Variants in ZNF468 observed in about 807,000 individuals in gnomAD.
ZNF468 encodes zinc finger protein 468.
In ZNF468, 8 loss-of-function variants were observed where a neutral mutation model predicts 7.2. That is an observed-to-expected ratio of 1.11 (90% CI 0.65 to 2.01). ZNF468 has a LOEUF of 2.01. Ranked by LOEUF, ZNF468 falls within the 30% of genes most tolerant of loss-of-function variation. ZNF468 has a pLI of 0.00. For synonymous variants in ZNF468, 218 were observed against 214.4 expected (o/e 1.02, Z -0.15); for missense variants, 608 against 626.5 (o/e 0.97, Z 0.31).
intron 2 of ZNF468, among the ~76,000 whole-genome samples, chr19:52,850,841 G>A (rs1183114871): frequency 6.6e-6 from 1 of 151,958 alleles, no homozygotes; most frequent in African/African-American, 2.4e-5. Context: ...GGAGCTTGCA[G>A]TGAGCCGAGA....
rs1568672780 is a variant in ZNF468 at position 52,840,649 on chromosome 19, T to G, written c.*76A>C. The G allele has an allele frequency of 1.2e-6, 2 of 1,605,782 alleles. No homozygotes were observed. The highest frequency in any genetic ancestry group is 4.5e-5 in the East Asian group (2 of 44,820). ...GCCACATTCATTATGCTTGTAAGGT[T>G]TCTCTCCAGTATGAATTGCCTTATG... is the stretch of plus-strand genomic sequence containing the variant. On this transcript the variant is annotated 3_prime_UTR_variant, in exon 4 of 4. Transcript: ENST00000595646.
intron 2 of ZNF468, among the ~76,000 whole-genome samples, chr19:52,853,475 G>A (rs1487412168): frequency 6.6e-6 from 1 of 152,148 alleles, no homozygotes. Flanking sequence ...GACCACCTGA[G>A]GTTAGGAGGT....
Position 52,839,174 on chromosome 19 carries a change from C to G in ZNF468, c.*1551G>C, listed in dbSNP as rs977775824. 3.2e-5 allele frequency: 5 copies of G among 156,514 alleles called. No individual in the cohort carries two copies. Among genetic ancestry groups the G allele is most frequent in the African/African-American group, 1.2e-4 (5 of 41,400 alleles). 9.7% of individuals were successfully genotyped at this position (156,514 alleles called of 1,614,324 possible). ...GACTGAGGCAGGAGAATTGCTTGAACCTGGGAGGAGGAGGTTGCAGTGAGC... is the reference window on the plus strand; with the variant it reads ...GACTGAGGCAGGAGAATTGCTTGAAGCTGGGAGGAGGAGGTTGCAGTGAGC... On this transcript the variant is annotated 3_prime_UTR_variant, in exon 4 of 4. Coordinates refer to ENST00000595646, the MANE Select transcript of ZNF468 (RefSeq NM_001008801.2).
intron 2 of ZNF468, among the ~76,000 whole-genome samples, chr19:52,853,176 A>G (rs1232055376): frequency 1.3e-5 from 2 of 152,052 alleles, no homozygotes; most frequent in Non-Finnish European, 2.9e-5. Context: ...TTAAAGTCTC[A>G]TAACGATGCA....
Position 52,841,537 on chromosome 19 carries a change from T to G in ZNF468, c.757A>C (p.Asn253His). 1.2e-6 allele frequency: 2 copies of G among 1,614,138 alleles called. No homozygotes were observed. The highest frequency in any genetic ancestry group is 2.2e-5 in the South Asian group (2 of 91,064). The change falls in exon 4 of 4, where the codon AAT (asparagine) becomes CAT (histidine). Residue 253 changes from asparagine (N) to histidine (H), a missense_variant. Asn to His is a moderately conservative substitution (Grantham distance 68). Transcript: ENST00000595646. ...TGGCAGGCAAGGTATCGCTTCTGAT[T>G]AAAGACCTTGCCACATACATCACAT... is the stretch of plus-strand genomic sequence containing the variant. The part of the protein sequence containing the change: ...CKCDVCGKVF[N>H]QKRYLACHRR...
chr19:52,844,286 C>A (rs28649623), intron 3 of ZNF468, among the ~76,000 whole-genome samples: 49,535 of 151,782 alleles, frequency 0.33, 8,632 homozygotes, highest in Admixed American at 0.44. Context: ...TAAAGAGGTC[C>A]TTGCCTGTTC....
At chr19:52,857,526 G>C (rs1245274455) in intron 1 of ZNF468, 46 bp downstream of exon 1, 1 of 152,292 alleles carries the variant, frequency 6.6e-6, no homozygotes, top group East Asian at 1.9e-4. Flanking sequence ...AGAAGTGCCG[G>C]GGACCTGGGA....
At chr19:52,845,654 A>G (rs2063336651) in intron 3 of ZNF468, among the ~76,000 whole-genome samples, 1 of 151,966 alleles carries the variant, frequency 6.6e-6, no homozygotes, top group African/African-American at 2.4e-5. Context: ...GTGAGACTCC[A>G]TCTCAAAAAA....
At chr19:52,845,372 C>G (rs2063334546) in intron 3 of ZNF468, 1 of 146,776 alleles carries the variant, frequency 6.8e-6, no homozygotes, top group Non-Finnish European at 1.5e-5. Flanking sequence ...ATAAAGTTCT[C>G]CAGACAGGGT....
Position 52,841,500 on chromosome 19 carries a change from T to C in ZNF468, c.794A>G (p.His265Arg). ...ACACTTGTAAGGTTTCTCACCAGTG[T>C]GACATCTACGATGGCAGGCAAGGTA... ...KRYLACHRRC[H>R]TGEKPYKCNE... Residue 265 changes from histidine (H) to arginine (R), a missense_variant, in exon 4 of 4, where the codon CAC becomes CGC. Transcript: ENST00000595646. 6.2e-7 allele frequency: 1 copy of C among 1,614,180 alleles called. No homozygotes were observed. Among genetic ancestry groups the C allele is most frequent in the Non-Finnish European group, 8.5e-7 (1 of 1,180,028 alleles).
intron 3 of ZNF468, among the ~76,000 whole-genome samples, chr19:52,843,120 C>CAAAAAAAAAAAAAAAAAAAAAAAAAAA (rs11356842): frequency 4.4e-5 from 3 of 68,688 alleles, no homozygotes; most frequent in Non-Finnish European, 6.4e-5. Flanking sequence ...GACTCTGTCT[C>CAAAAAAAAAAAAAAAAAAAAAAAAAAA]AAAAAAAAAA....
chr19:52,854,103 G>A lies in ZNF468; in HGVS notation c.15+155C>T, dbSNP rs766349427. 12 of 1,558,586 alleles carry A rather than the reference G, an allele frequency of 7.7e-6. No individual in the cohort carries two copies. In the Admixed American group the frequency reaches 1.5e-4, roughly 19 times the overall value. ...TTCATGACACTGGGTCACGAGAGAC[G>A]GAACCTAAGCGAGATGAGAGGGACT... On this transcript the variant is annotated intron_variant, in intron 2 of 3. Transcript: ENST00000595646.
intron 2 of ZNF468, chr19:52,849,466 T>C: frequency 1.3e-6 from 1 of 775,330 alleles, no homozygotes. Flanking sequence ...AAATAAAAAA[T>C]CAATGTAGGG....
chr19:52,845,865 T>C (rs781564495), intron 3 of ZNF468, among the ~76,000 whole-genome samples: 1 of 151,898 alleles, frequency 6.6e-6, no homozygotes, highest in Non-Finnish European at 1.5e-5. Context: ...TAGATGGCTG[T>C]GGTGGCGCAT....
intron 2 of ZNF468, among the ~76,000 whole-genome samples, chr19:52,853,387 T>C (rs1419153804): frequency 6.6e-6 from 1 of 152,122 alleles, no homozygotes; most frequent in African/African-American, 2.4e-5. Flanking sequence ...TAACCATTTA[T>C]ATTTAATAAT....
At chr19:52,849,864 G>A (rs1431206185) in intron 2 of ZNF468, among the ~76,000 whole-genome samples, 1 of 151,908 alleles carries the variant, frequency 6.6e-6, no homozygotes, top group African/African-American at 2.4e-5. Flanking sequence ...AATCCCGCCA[G>A]GGCACTCAAG....
chr19:52,850,318 A>G (rs2063376387), intron 2 of ZNF468, among the ~76,000 whole-genome samples: 1 of 152,046 alleles, frequency 6.6e-6, no homozygotes, highest in Non-Finnish European at 1.5e-5. Context: ...CCTGACCTGG[A>G]GGAATCTTCA....
intron 3 of ZNF468, among the ~76,000 whole-genome samples, chr19:52,847,570 T>C (rs7256559): frequency 0.53 from 80,037 of 151,724 alleles, 22,794 homozygotes; most frequent in African/African-American, 0.74. Flanking sequence ...GAATGGAATG[T>C]CTCGGTGTAA....
Position 52,841,228 on chromosome 19 carries a change from T to G in ZNF468, c.1066A>C (p.Thr356Pro), listed in dbSNP as rs765153516. ...AAAACTTTGCCACATTCATTACATGTGTAAGGTTTCTCTCCAGTGTGAAGT... is the reference window on the plus strand; with the variant it reads ...AAAACTTTGCCACATTCATTACATGGGTAAGGTTTCTCTCCAGTGTGAAGT... ...TILHTGEKPY[T>P]CNECGKVFNR... Residue 356 changes from threonine to proline, a missense_variant, in exon 4 of 4, where the codon ACA becomes CCA. Transcript: ENST00000595646. The G allele has an allele frequency of 2.5e-6, 4 of 1,613,924 alleles. No individual in the cohort carries two copies. In the South Asian group the frequency reaches 4.4e-5, roughly 18 times the overall value.
Sources: gnomAD v4.1 joint callset for allele counts (sites outside exome capture counted in the v4.1 genomes callset) on GRCh38, gnomAD v4.1.1 for gene constraint, MANE v1.5 for transcripts, NCBI Gene and HGNC (gene_info 2026-07-23, HGNC 2026-07-21) for gene names.